TIAM1: variants seen among roughly 807,000 people sequenced by gnomAD.
The protein encoded by TIAM1 is rho guanine nucleotide exchange factor TIAM1.
Under a neutral mutation model 163.5 loss-of-function variants are expected in TIAM1, and 65 were observed. The ratio of observed to expected loss-of-function variants is 0.40; its 90% CI spans 0.33 to 0.49. The LOEUF is 0.49. Ranked by LOEUF, TIAM1 falls within the 20% of genes least tolerant of loss-of-function variation. TIAM1 has a pLI of 0.77. For synonymous variants in TIAM1, 833 were observed against 810.1 expected, an observed-to-expected ratio of 1.03 and a Z score of -0.48; for missense variants, 1,789 against 2,044.7, an observed-to-expected ratio of 0.87 and a Z score of 2.41.
chr21:31,136,870 A>G (rs1286160640), intron 22 of TIAM1, among the ~76,000 whole-genome samples: 1 of 152,264 alleles, frequency 6.6e-6, no homozygotes, highest in Non-Finnish European at 1.5e-5. Flanking sequence ...TCCATTTCAA[A>G]GACGACTTTA....
intron 1 of TIAM1, among the ~76,000 whole-genome samples, chr21:31,498,498 G>A (rs1484156689): frequency 6.6e-6 from 1 of 152,182 alleles, no homozygotes; most frequent in Admixed American, 6.5e-5. Flanking sequence ...CCAAGATCCC[G>A]GCTCCATGAC....
intron 6 of TIAM1, among the ~76,000 whole-genome samples, chr21:31,227,568 G>C (rs897054484): frequency 6.6e-6 from 1 of 152,094 alleles, no homozygotes; most frequent in Non-Finnish European, 1.5e-5. Flanking sequence ...AAAGCAAATG[G>C]AATCACTTTG....
intron 2 of TIAM1, among the ~76,000 whole-genome samples, chr21:31,377,565 G>C (rs763069142): frequency 2.0e-5 from 3 of 152,168 alleles, no homozygotes; most frequent in Non-Finnish European, 4.4e-5. Flanking sequence ...GCCTCTGACA[G>C]ACACTGATGC....
At chr21:31,221,475 C>G (rs902027708) in intron 8 of TIAM1, among the ~76,000 whole-genome samples, 3 of 152,150 alleles carry the variant, frequency 2.0e-5, no homozygotes, top group South Asian at 2.1e-4. Flanking sequence ...AGCCTGCCCC[C>G]CTGAAAGAAA....
rs574130511 is a variant in TIAM1, at chr21:31,514,557, A to T, written c.-422+44370T>A. ...AAAAAAAATAGCCAGGTGTGGTGGC[A>T]GGCACCACACCTGTAAACCCAGCTA... is the stretch of plus-strand genomic sequence containing the variant. On this transcript the variant is annotated intron_variant, in intron 1 of 28. Coordinates refer to the TIAM1 transcript ENST00000286827. Among the ~76,000 whole-genome samples the T allele has an allele frequency of 3.2e-3, 481 of 151,404 alleles. 6 individuals are homozygous for T. The highest frequency in any genetic ancestry group is 0.011 in the African/African-American group (457 of 41,280).
rs2044855733 is a variant in TIAM1, at chr21:31,451,722, T to TGC, written c.-369+12260_-369+12261insGC. ...CTGAGTGAAAGCATGTGTGTGCGTG[T>TGC]GTGTGTGTGTGTGTGTGTGTGTGTG... is the stretch of plus-strand genomic sequence containing the variant. On this transcript the variant is annotated intron_variant, in intron 2 of 28. Transcript: ENST00000286827. Among the ~76,000 whole-genome samples, 32 of 43,130 alleles carry TGC rather than the reference T, an allele frequency of 7.4e-4. No homozygotes were observed. The South Asian group carries it at 0.014, about 19-fold the overall frequency. 28.3% of individuals were successfully genotyped at this position (43,130 alleles called of 152,430 possible).
At chr21:31,479,730 C>T (rs1401809396) in intron 1 of TIAM1, among the ~76,000 whole-genome samples, 2 of 152,248 alleles carry the variant, frequency 1.3e-5, no homozygotes, top group East Asian at 1.9e-4. Context: ...AGAAGAAAGA[C>T]AAAGAAACAG....
intron 13 of TIAM1, among the ~76,000 whole-genome samples, chr21:31,190,661 C>T (rs550171634): frequency 6.6e-6 from 1 of 152,140 alleles, no homozygotes; most frequent in African/African-American, 2.4e-5. Context: ...TACTTCAAGG[C>T]AGCCGAGGGT....
chr21:31,214,559 T>C (rs1601581350), intron 9 of TIAM1, among the ~76,000 whole-genome samples: 1 of 152,050 alleles, frequency 6.6e-6, no homozygotes, highest in Admixed American at 6.5e-5. Context: ...ACATAGGGGT[T>C]TTTTTAATTA....
In TIAM1 at chr21:31,323,298, AAAAG is replaced by A. The variant is rs1292078652; in HGVS notation, c.-189+15941_-189+15944del. 1.6e-3 allele frequency among the ~76,000 whole-genome samples: 246 copies of A among 152,128 alleles called. 1 individual carries two copies. Among genetic ancestry groups the A allele is most frequent in the African/African-American group, 5.6e-3 (234 of 41,488 alleles). On this transcript the variant is annotated intron_variant, in intron 2 of 27. Transcript: ENST00000541036. ...GCGAGACTTTGATTCAAAAAAAAAA[AAAAG>A]AAAGAAAGTGCATGAAGCCATAAAA... is the stretch of plus-strand genomic sequence containing the variant.
At chr21:31,518,390 T>A (rs1056419272) in intron 1 of TIAM1, among the ~76,000 whole-genome samples, 2 of 152,020 alleles carry the variant, frequency 1.3e-5, no homozygotes, top group Non-Finnish European at 2.9e-5. Context: ...CGGGTTCAAG[T>A]GATTCTCCTG....
At chr21:31,531,856 C>CT (rs2047982140) in intron 1 of TIAM1, among the ~76,000 whole-genome samples, 1 of 151,974 alleles carries the variant, frequency 6.6e-6, no homozygotes, top group Admixed American at 6.6e-5. Context: ...GTGGCTCATG[C>CT]TTATAATCCC....
intron 2 of TIAM1, among the ~76,000 whole-genome samples, chr21:31,447,684 G>T (rs2044676410): frequency 6.6e-6 from 1 of 152,206 alleles, no homozygotes; most frequent in Admixed American, 6.5e-5. Flanking sequence ...ATGTTGGTCA[G>T]ATGCCTGCTG....
intron 4 of TIAM1, among the ~76,000 whole-genome samples, chr21:31,261,655 G>A (rs2072482272): frequency 6.6e-6 from 1 of 152,182 alleles, no homozygotes; most frequent in Non-Finnish European, 1.5e-5. Context: ...AGAGGTTGCA[G>A]TGAGCTGAGA....
At chr21:31,164,831 C>T in intron 16 of TIAM1, 131 bp downstream of exon 16, 1 of 831,470 alleles carries the variant, frequency 1.2e-6, no homozygotes, top group South Asian at 1.8e-5. Context: ...TGCTATTCAG[C>T]AACATCTCAG....
At position 31,266,577 on chromosome 21, in the gene TIAM1, G is replaced by A; in HGVS notation, c.396C>T (p.Ser132=). 1 of 1,614,222 alleles carries A rather than the reference G, an allele frequency of 6.2e-7. No individual in the cohort carries two copies. Residue 132 remains serine (S), a synonymous_variant, in exon 4 of 28, where the codon AGC becomes AGT. Coordinates refer to ENST00000541036, the MANE Select transcript of TIAM1 (RefSeq NM_001353694.2). ...ATGTAGCGTCATCCCCGTAAAGCCTGCTCTCCTCAGTGTCTGGCATGCTCT... is the reference window on the plus strand; with the variant it reads ...ATGTAGCGTCATCCCCGTAAAGCCTACTCTCCTCAGTGTCTGGCATGCTCT... ...SVQSMPDTEE[S]RLYGDDATYL...
intron 19 of TIAM1, among the ~76,000 whole-genome samples, chr21:31,152,240 C>T (rs2083411572): frequency 6.6e-6 from 1 of 152,028 alleles, no homozygotes; most frequent in Non-Finnish European, 1.5e-5. Context: ...GCCACGTTGG[C>T]CAGGCTGGTC....
At chr21:31,333,311 A>C (rs557447185) in intron 2 of TIAM1, among the ~76,000 whole-genome samples, 1 of 152,270 alleles carries the variant, frequency 6.6e-6, no homozygotes, top group Admixed American at 6.5e-5. Flanking sequence ...TTAACAGCTC[A>C]TTGGATTACT....
At chr21:31,507,116 G>T (rs1345040251) in intron 1 of TIAM1, among the ~76,000 whole-genome samples, 1 of 147,376 alleles carries the variant, frequency 6.8e-6, no homozygotes, top group Non-Finnish European at 1.5e-5. Flanking sequence ...AGACCCAGAA[G>T]TGAAATTGCT....
Sources: allele counts gnomAD v4.1 joint callset (sites outside exome capture counted in the v4.1 genomes callset), GRCh38; gene constraint gnomAD v4.1.1; transcripts MANE v1.5; gene names NCBI Gene and HGNC (gene_info 2026-07-23, HGNC 2026-07-21).